The following KCNAB2 variants were observed in gnomAD, a reference collection of about 807,000 sequenced individuals.
KCNAB2 encodes the protein voltage-gated potassium channel subunit beta-2.
KCNAB2 carries 29 observed loss-of-function variants against 63.6 expected under a neutral mutation model. The observed-to-expected ratio is 0.46, with a 90% CI of 0.34 to 0.62. The LOEUF (loss-of-function observed/expected upper bound fraction) is 0.62. Ranked by LOEUF, KCNAB2 falls within the 20% of genes least tolerant of loss-of-function variation. The pLI, the probability that KCNAB2 is intolerant of heterozygous loss-of-function variation, is 0.01. For missense variants in KCNAB2, 359 were observed against 563.9 expected, an observed-to-expected ratio of 0.64 and a Z score of 3.68; for synonymous variants, 222 against 224.2, an observed-to-expected ratio of 0.99 and a Z score of 0.09.
chr1:6,086,275 T>G lies in KCNAB2; in HGVS notation c.425+1027T>G. ...CTCCCCCATGGATTCCTGACACCCC[T>G]TCCTCTTGTCCCATCAAATTTGTTT... On this transcript the variant is annotated intron_variant, in intron 6 of 15. Coordinates refer to ENST00000378083, the MANE Select transcript of KCNAB2 (RefSeq NM_001199862.2). The surrounding 1 kb of genome is among the most constrained non-coding windows in gnomAD (Gnocchi z 4.2). 2 of 831,398 alleles carry G rather than the reference T, an allele frequency of 2.4e-6. No individual in the cohort carries two copies. Among genetic ancestry groups the G allele is most frequent in the Non-Finnish European group, 2.8e-6 (2 of 703,116 alleles). The allele number at this position is 831,398 out of a possible 1,614,324, so 51.5% of individuals were successfully genotyped here. A position where few individuals can be genotyped will look rare whatever the true frequency, so the allele number is the denominator to read the frequency against.
chr1:6,030,736 TTATG>T (rs927851872), upstream of KCNAB2, among the ~76,000 whole-genome samples: 17 of 149,036 alleles, frequency 1.1e-4, no homozygotes, highest in Admixed American at 8.7e-4. Flanking sequence ...TTATGTGTGT[TTATG>T]TGTGTATATG....
At chr1:6,097,386 G>A in intron 15 of KCNAB2, 29 bp downstream of exon 15, 1 of 1,549,962 alleles carries the variant, frequency 6.5e-7, no homozygotes, top group Non-Finnish European at 8.7e-7. Flanking sequence ...GCTGGGCAGA[G>A]GGCCCATCCC....
chr1:6,041,948 G>A (rs1358733525), upstream of KCNAB2: 88 of 1,326,422 alleles, frequency 6.6e-5, 2 homozygotes, highest in South Asian at 5.6e-4. Flanking sequence ...CACCCTTGCC[G>A]AGCAGGGTGT....
At chr1:6,091,608 T>G (rs1665195243) in intron 10 of KCNAB2, among the ~76,000 whole-genome samples, 2 of 151,942 alleles carry the variant, frequency 1.3e-5, no homozygotes, top group South Asian at 4.2e-4. Context: ...CTGAGGATGC[T>G]GTGATCCCCA....
chr1:6,081,135 C>T (rs1225606933), intron 4 of KCNAB2, among the ~76,000 whole-genome samples: 1 of 152,234 alleles, frequency 6.6e-6, no homozygotes, highest in Non-Finnish European at 1.5e-5. Context: ...AGCACAATCG[C>T]GTCCTGACAG....
rs1200780266 is a variant in KCNAB2, at chr1:6,071,741, G to A, written c.219-1014G>A. Among the ~76,000 whole-genome samples, 1 of 151,830 alleles carries A rather than the reference G, an allele frequency of 6.6e-6. No individual in the cohort carries two copies. The highest frequency in any genetic ancestry group is 1.5e-5 in the Non-Finnish European group (1 of 67,872). On this transcript the variant is annotated intron_variant, in intron 2 of 15. Coordinates refer to ENST00000378083, the MANE Select transcript of KCNAB2 (RefSeq NM_001199862.2). This position sits in a 1 kb window ranked among gnomAD's most constrained non-coding sequence, Gnocchi z 8.5. The stretch of plus-strand genomic sequence containing the variant: ...TGCTGCGTAGGACTCCTGCGGCGAG[G>A]GCTCCCTCCTGCCGCGTGGGCTCCT...
chr1:6,072,909 C>A, intron 3 of KCNAB2, 111 bp downstream of exon 3: 2 of 965,754 alleles, frequency 2.1e-6, no homozygotes, highest in Admixed American at 2.2e-5. Flanking sequence ...CCTTGGCACT[C>A]CCCAGGGAGT....
chr1:6,084,236 G>A (rs561766730), intron 5 of KCNAB2, among the ~76,000 whole-genome samples: 14 of 152,364 alleles, frequency 9.2e-5, no homozygotes, highest in African/African-American at 3.4e-4. Context: ...ATCCAGTGCT[G>A]CAGTGCCAGG....
chr1:6,041,787 CTCTCCCTTTCTCCTTTTTCTCTTT>C (rs772440746), upstream of KCNAB2: 2 of 1,567,860 alleles, frequency 1.3e-6, no homozygotes, highest in South Asian at 2.2e-5. Flanking sequence ...TCTCTCTCTT[CTCTCCCTTTCTCCTTTTTCTCTTT>C]TCTCCATTGC....
upstream of KCNAB2, among the ~76,000 whole-genome samples, chr1:6,031,479 G>A (rs976460598): frequency 2.0e-5 from 3 of 152,208 alleles, no homozygotes; most frequent in East Asian, 1.9e-4. The surrounding 1 kb of genome is among the most constrained non-coding windows in gnomAD (Gnocchi z 4.1). Context: ...AGAGGCCCTC[G>A]CCTTGGTTGG....
At chr1:6,050,871 C>T (rs373122155) in intron 1 of KCNAB2, among the ~76,000 whole-genome samples, 1 of 152,252 alleles carries the variant, frequency 6.6e-6, no homozygotes, top group African/African-American at 2.4e-5. Context: ...CCAAAGATCT[C>T]TGCGGTGCAA....
intron 1 of KCNAB2, among the ~76,000 whole-genome samples, chr1:6,050,775 A>G (rs1002756241): frequency 5.5e-4 from 83 of 152,200 alleles, no homozygotes; most frequent in African/African-American, 2.0e-3. Flanking sequence ...CCCTGTCCCA[A>G]CTAAGCCTAT....
In KCNAB2 at chr1:5,994,253, C is replaced by A. The variant is rs1656787906; in HGVS notation, c.-53+1465C>A. On this transcript the variant is annotated intron_variant, in intron 1 of 16. Coordinates refer to the KCNAB2 transcript ENST00000341524. The surrounding 1 kb of genome is among the most constrained non-coding windows in gnomAD (Gnocchi z 5.4). ...CTCTGCTAAGGAAGCCGCATTCAGG[C>A]CCCGCGTTGCAGGTTGCAGGGTTTG... is the stretch of plus-strand genomic sequence containing the variant. Among the ~76,000 whole-genome samples the A allele has an allele frequency of 6.6e-6, 1 of 152,240 alleles. No individual in the cohort carries two copies. Among genetic ancestry groups the A allele is most frequent in the South Asian group, 2.1e-4 (1 of 4,834 alleles).
At chr1:6,053,133 C>T (rs889865940) in intron 2 of KCNAB2, among the ~76,000 whole-genome samples, 32 of 152,112 alleles carry the variant, frequency 2.1e-4, no homozygotes, top group African/African-American at 7.5e-4. Flanking sequence ...GCTTTGTATC[C>T]TAAATCCAGC....
At chr1:5,999,089 C>T (rs1189764617) in intron 1 of KCNAB2, among the ~76,000 whole-genome samples, 1 of 152,274 alleles carries the variant, frequency 6.6e-6, no homozygotes, top group Non-Finnish European at 1.5e-5. Flanking sequence ...TTCAACGGCG[C>T]ATTCTTCCAT....
Position 6,100,181 on chromosome 1 carries a change from T to C in KCNAB2, c.*1607T>C. 2.4e-6 allele frequency: 3 copies of C among 1,230,792 alleles called. No homozygotes were observed. 76.2% of individuals were successfully genotyped at this position (1,230,792 alleles called of 1,614,324 possible). A position where few individuals can be genotyped will look rare whatever the true frequency, so the allele number is the denominator to read the frequency against. ...CTGGCCGGGCCAAGGCCTGGGAAAC[T>C]GTGAAAGTCAGAAAGGCCAGCGGGG... is the stretch of plus-strand genomic sequence containing the variant. On this transcript the variant is annotated 3_prime_UTR_variant, in exon 16 of 16. Coordinates refer to ENST00000378083, the MANE Select transcript of KCNAB2 (RefSeq NM_001199862.2).
rs551278135 is a variant in KCNAB2 at position 6,055,479 on chromosome 1, C to T, written c.218+3725C>T. 5.3e-5 allele frequency among the ~76,000 whole-genome samples: 8 copies of T among 152,130 alleles called. No homozygotes were observed. The South Asian group carries it at 1.7e-3, about 32-fold the overall frequency. Reference sequence around the variant, plus strand: ...CAAGCGATTCTCCTGCCTCAGCCTCCCAAGTAGCTGGGACTGCAGGGATGC... The same window carrying T: ...CAAGCGATTCTCCTGCCTCAGCCTCTCAAGTAGCTGGGACTGCAGGGATGC... On this transcript the variant is annotated intron_variant, in intron 2 of 15. Transcript: ENST00000378083.
chr1:6,040,691 T>C, intron 2 of KCNAB2: 1 of 1,263,396 alleles, frequency 7.9e-7, no homozygotes, highest in South Asian at 1.2e-5. Context: ...GGGTCAGTCC[T>C]GCTTCGAGGA....
chr1:6,027,043 C>T (rs1418195670), intron 1 of KCNAB2, among the ~76,000 whole-genome samples: 1 of 152,200 alleles, frequency 6.6e-6, no homozygotes, highest in East Asian at 1.9e-4. Flanking sequence ...GAACACTTCC[C>T]CACCCTGCAA....
Sources: allele counts gnomAD v4.1 joint callset (sites outside exome capture counted in the v4.1 genomes callset), GRCh38; gene constraint gnomAD v4.1.1; non-coding constraint Gnocchi (gnomAD v3.1); transcripts MANE v1.5; gene names NCBI Gene and HGNC (gene_info 2026-07-23, HGNC 2026-07-21).